SNX30: variants seen among roughly 807,000 people sequenced by gnomAD.
SNX30 encodes sorting nexin-30.
SNX30 carries 24 observed loss-of-function variants against 46.4 expected under a neutral mutation model. The ratio of observed to expected loss-of-function variants is 0.52; its 90% CI spans 0.37 to 0.73. The LOEUF (loss-of-function observed/expected upper bound fraction) is 0.73. SNX30 is among the 30% of genes least tolerant of loss of function. SNX30 has a pLI of 0.00. For synonymous variants in SNX30, 189 were observed against 211.5 expected (o/e 0.89, Z 0.92); for missense variants, 533 against 555.7 (o/e 0.96, Z 0.41).
chr9:112,851,585 G>T (rs1430664874), intron 7 of SNX30, among the ~76,000 whole-genome samples: 1 of 152,180 alleles, frequency 6.6e-6, no homozygotes, highest in Non-Finnish European at 1.5e-5. Flanking sequence ...GTAACTGCTC[G>T]GTAGGTTCAC....
At chr9:112,848,415 A>AT (rs1241247495) in intron 6 of SNX30, among the ~76,000 whole-genome samples, 2 of 152,096 alleles carry the variant, frequency 1.3e-5, no homozygotes, top group East Asian at 3.9e-4. Context: ...GTTTGTCTTG[A>AT]TTCAGAACAC....
intron 1 of SNX30, among the ~76,000 whole-genome samples, chr9:112,772,496 G>A (rs1343862800): frequency 6.6e-6 from 1 of 152,182 alleles, no homozygotes; most frequent in Admixed American, 6.5e-5. Flanking sequence ...GTGTGGGGCT[G>A]TGGTACTCGT....
rs982356190 is a variant in SNX30 at position 112,871,525 on chromosome 9, T to C, written c.*2682T>C. The C allele has an allele frequency of 1.3e-5, 2 of 152,104 alleles. No individual in the cohort carries two copies. The highest frequency in any genetic ancestry group is 6.6e-5 in the Admixed American group (1 of 15,258). The allele number at this position is 152,104 out of a possible 1,614,324, so 9.4% of individuals were successfully genotyped here. On this transcript the variant is annotated 3_prime_UTR_variant, in exon 9 of 9. Coordinates refer to ENST00000374232, the MANE Select transcript of SNX30 (RefSeq NM_001012994.2). ...CCTCACACTTCTTGACTTCACAAAA[T>C]TGTGGCCCTGAGATCAGTACTCCTC...
intron 1 of SNX30, among the ~76,000 whole-genome samples, chr9:112,779,073 T>A (rs1354215508): frequency 6.6e-6 from 1 of 152,240 alleles, no homozygotes; most frequent in Non-Finnish European, 1.5e-5. Flanking sequence ...GAATTACTGA[T>A]GGTCTGAGGA....
At chr9:112,794,521 T>C (rs1840078327) in intron 1 of SNX30, among the ~76,000 whole-genome samples, 1 of 152,212 alleles carries the variant, frequency 6.6e-6, no homozygotes, top group African/African-American at 2.4e-5. Context: ...ATATGCAGTC[T>C]GTGTATTCAG....
downstream of SNX30, among the ~76,000 whole-genome samples, chr9:112,883,993 C>G (rs1841614936): frequency 6.6e-6 from 1 of 152,180 alleles, no homozygotes; most frequent in Non-Finnish European, 1.5e-5. Context: ...TCGTGCCCAG[C>G]CTGGCTTCTG....
At chr9:112,843,803 C>T (rs1217437993) in intron 6 of SNX30, among the ~76,000 whole-genome samples, 3 of 151,904 alleles carry the variant, frequency 2.0e-5, no homozygotes, top group Admixed American at 6.6e-5. Context: ...TTAGTAAAGA[C>T]GGGGTTTCAC....
downstream of SNX30, among the ~76,000 whole-genome samples, chr9:112,884,895 C>T (rs575442294): frequency 3.4e-4 from 52 of 152,234 alleles, no homozygotes; most frequent in Non-Finnish European, 6.8e-4. Context: ...AATTTTCAAG[C>T]GGGCAAAAAC....
intron 1 of SNX30, among the ~76,000 whole-genome samples, chr9:112,753,684 A>C (rs1280438061): frequency 6.6e-6 from 1 of 152,206 alleles, no homozygotes; most frequent in Non-Finnish European, 1.5e-5. Context: ...TGCCTGGCCT[A>C]ATTATTGAAT....
intron 1 of SNX30, among the ~76,000 whole-genome samples, chr9:112,769,523 C>T (rs938888729): frequency 6.6e-6 from 1 of 152,216 alleles, no homozygotes; most frequent in Non-Finnish European, 1.5e-5. Flanking sequence ...CAGGCACCAC[C>T]CTGGCACAGA....
chr9:112,812,267 A>AT (rs1363482767), intron 2 of SNX30, among the ~76,000 whole-genome samples: 1 of 151,940 alleles, frequency 6.6e-6, no homozygotes, highest in Non-Finnish European at 1.5e-5. Flanking sequence ...TTATTTATTT[A>AT]TTTTTTGAGA....
At chr9:112,804,239 A>T (rs976459383) in intron 1 of SNX30, among the ~76,000 whole-genome samples, 1 of 151,658 alleles carries the variant, frequency 6.6e-6, no homozygotes, top group African/African-American at 2.4e-5. Flanking sequence ...GTCTCGGCTC[A>T]CTGCAACCTC....
At chr9:112,848,659 G>A (rs533559037) in intron 6 of SNX30, among the ~76,000 whole-genome samples, 5 of 152,334 alleles carry the variant, frequency 3.3e-5, no homozygotes, top group South Asian at 2.1e-4. Context: ...CTGTTAGGGC[G>A]GATCCTCCAG....
intron 1 of SNX30, among the ~76,000 whole-genome samples, chr9:112,780,768 C>T (rs1366194292): frequency 1.3e-5 from 2 of 152,084 alleles, no homozygotes; most frequent in African/African-American, 4.8e-5. Flanking sequence ...AGATGAAATT[C>T]ACTAGGTATA....
At chr9:112,806,804 T>A (rs577029424) in intron 2 of SNX30, among the ~76,000 whole-genome samples, 9 of 152,260 alleles carry the variant, frequency 5.9e-5, no homozygotes, top group African/African-American at 1.9e-4. Context: ...GTTGTTTTTC[T>A]TTGCGTTTAC....
At chr9:112,835,221 AT>A (rs1203068122) in intron 4 of SNX30, among the ~76,000 whole-genome samples, 1 of 152,146 alleles carries the variant, frequency 6.6e-6, no homozygotes, top group African/African-American at 2.4e-5. Context: ...CTGTAAAACC[AT>A]TTTGTAAGCT....
chr9:112,863,529 C>A (rs1032564300), intron 7 of SNX30, among the ~76,000 whole-genome samples: 5 of 152,240 alleles, frequency 3.3e-5, no homozygotes, highest in African/African-American at 9.6e-5. Flanking sequence ...AGAAAGTCTT[C>A]TAAACCTCTT....
chr9:112,834,876 ACAC>A, intron 4 of SNX30, among the ~76,000 whole-genome samples: 1 of 79,730 alleles, frequency 1.3e-5, no homozygotes, highest in East Asian at 5.5e-4. Flanking sequence ...ACACACACAC[ACAC>A]ACACCTACCT....
chr9:112,826,568 C>G (rs977898910), intron 3 of SNX30, among the ~76,000 whole-genome samples: 1 of 152,032 alleles, frequency 6.6e-6, no homozygotes, highest in Non-Finnish European at 1.5e-5. Context: ...CCCCAATGAA[C>G]AAATGGGTCA....
Sources: allele counts gnomAD v4.1 joint callset (sites outside exome capture counted in the v4.1 genomes callset), GRCh38; gene constraint gnomAD v4.1.1; transcripts MANE v1.5; gene names NCBI Gene and HGNC (gene_info 2026-07-23, HGNC 2026-07-21).